JAZF1: variants seen among roughly 807,000 people sequenced by gnomAD.
JAZF1 encodes juxtaposed with another zinc finger protein 1.
JAZF1 carries 8 observed loss-of-function variants against 26.4 expected under a neutral mutation model. The observed-to-expected ratio is 0.30, with a 90% CI of 0.18 to 0.55. JAZF1 has a LOEUF of 0.55. Among genes scored for constraint, JAZF1 ranks in the 20% least tolerant of loss-of-function variants. The probability of loss-of-function intolerance (pLI) is 0.94; values close to 1 mark genes in which losing one functional copy is unlikely to be tolerated. For synonymous variants in JAZF1, 126 were observed against 122.3 expected (o/e 1.03, Z -0.20); for missense variants, 199 against 322.0 (o/e 0.62, Z 2.92).
intron 1 of JAZF1, among the ~76,000 whole-genome samples, chr7:28,040,513 A>G (rs1025388026): frequency 6.6e-6 from 1 of 152,212 alleles, no homozygotes. Flanking sequence ...TTGGCTACAC[A>G]AAGTCTGGGG....
intron 1 of JAZF1, among the ~76,000 whole-genome samples, chr7:28,168,197 A>G (rs1273803818): frequency 6.6e-6 from 1 of 152,230 alleles, no homozygotes; most frequent in Admixed American, 6.5e-5. Context: ...CCTGGCTAAC[A>G]TGGTGAAACT....
At chr7:27,873,771 C>T (rs1352548943) in intron 3 of JAZF1, among the ~76,000 whole-genome samples, 2 of 152,202 alleles carry the variant, frequency 1.3e-5, no homozygotes, top group Non-Finnish European at 2.9e-5. Context: ...GCATCCCCTC[C>T]AGCACTCAGT....
At chr7:27,890,782 TAC>T (rs1562520303) in intron 3 of JAZF1, among the ~76,000 whole-genome samples, 2 of 141,154 alleles carry the variant, frequency 1.4e-5, no homozygotes, top group Non-Finnish European at 3.0e-5. Context: ...TAGATGTTAC[TAC>T]TTTTTTTTTT....
At chr7:27,961,262 C>T (rs879723432) in intron 2 of JAZF1, among the ~76,000 whole-genome samples, 2 of 152,196 alleles carry the variant, frequency 1.3e-5, no homozygotes, top group Admixed American at 1.3e-4. Flanking sequence ...TTATCAGAAG[C>T]AAAGATGAAA....
chr7:27,963,049 T>TTA (rs1409622478), intron 2 of JAZF1, among the ~76,000 whole-genome samples: 1 of 152,152 alleles, frequency 6.6e-6, no homozygotes. Context: ...CAAACCTTCA[T>TTA]TATTAGGGAA....
intron 1 of JAZF1, among the ~76,000 whole-genome samples, chr7:28,071,104 C>T (rs768778615): frequency 2.6e-5 from 4 of 152,124 alleles, no homozygotes; most frequent in Non-Finnish European, 4.4e-5. Context: ...AAAACGGAAT[C>T]GGCTCTGGAG....
At chr7:28,076,516 A>G (rs1419963581) in intron 1 of JAZF1, among the ~76,000 whole-genome samples, 1 of 152,164 alleles carries the variant, frequency 6.6e-6, no homozygotes, top group Admixed American at 6.5e-5. Flanking sequence ...AGACTGATGA[A>G]ATTCTAAAAA....
intron 1 of JAZF1, among the ~76,000 whole-genome samples, chr7:28,116,928 A>T (rs148349762): frequency 0.024 from 3,579 of 152,132 alleles, 131 homozygotes; most frequent in African/African-American, 0.076. Flanking sequence ...GGTTCAAGCG[A>T]TTCTCCTGCC....
At chr7:27,860,688 C>G (rs976217272) in intron 3 of JAZF1, among the ~76,000 whole-genome samples, 11 of 152,186 alleles carry the variant, frequency 7.2e-5, no homozygotes, top group African/African-American at 2.7e-4. Flanking sequence ...TCAGAGGTCA[C>G]AAAGCTCCTC....
intron 2 of JAZF1, among the ~76,000 whole-genome samples, chr7:27,931,844 T>C (rs1784693332): frequency 1.3e-5 from 2 of 151,560 alleles, no homozygotes; most frequent in Non-Finnish European, 1.5e-5. Flanking sequence ...ACCTGGGAGG[T>C]AGAGGTTGCA....
intron 2 of JAZF1, among the ~76,000 whole-genome samples, chr7:27,938,913 T>C (rs1784801235): frequency 6.6e-6 from 1 of 152,056 alleles, no homozygotes; most frequent in Non-Finnish European, 1.5e-5. Context: ...AGTGCTGGAA[T>C]TACAAATGTG....
At chr7:27,962,967 T>C (rs1785209420) in intron 2 of JAZF1, among the ~76,000 whole-genome samples, 1 of 152,140 alleles carries the variant, frequency 6.6e-6, no homozygotes, top group African/African-American at 2.4e-5. Flanking sequence ...CTACCCACTA[T>C]CCCTCCTTTT....
chr7:27,911,694 C>T (rs218), intron 2 of JAZF1, among the ~76,000 whole-genome samples: 144,992 of 152,276 alleles, frequency 0.95, 69,141 homozygotes, highest in East Asian at 1. Flanking sequence ...CATCTGGATA[C>T]GCTGGGTGTG....
chr7:28,115,555 G>A (rs1349051940), intron 1 of JAZF1, among the ~76,000 whole-genome samples: 1 of 152,142 alleles, frequency 6.6e-6, no homozygotes, highest in Non-Finnish European at 1.5e-5. Flanking sequence ...AATGATAAAA[G>A]CTCTAGGAAG....
At chr7:28,009,467 G>A (rs779188438) in intron 1 of JAZF1, among the ~76,000 whole-genome samples, 15 of 151,542 alleles carry the variant, frequency 9.9e-5, no homozygotes, top group Non-Finnish European at 2.1e-4. Context: ...CATATGTGAT[G>A]TACCCTGATA....
At chr7:27,866,954 C>T (rs1437092824) in intron 3 of JAZF1, among the ~76,000 whole-genome samples, 4 of 152,138 alleles carry the variant, frequency 2.6e-5, no homozygotes, top group Admixed American at 2.0e-4. Context: ...TGGAGATGGC[C>T]CAGACACTAA....
intron 3 of JAZF1, among the ~76,000 whole-genome samples, chr7:27,864,651 T>C (rs113642094): frequency 0.017 from 2,569 of 152,250 alleles, 77 homozygotes; most frequent in African/African-American, 0.06. Context: ...CAAGAAAATA[T>C]CATCTCCTTT....
chr7:27,912,290 C>T (rs936054005), intron 2 of JAZF1, among the ~76,000 whole-genome samples: 5 of 152,176 alleles, frequency 3.3e-5, no homozygotes, highest in African/African-American at 1.2e-4. Flanking sequence ...GTTAACTGAC[C>T]TTGTATTTCT....
intron 2 of JAZF1, among the ~76,000 whole-genome samples, chr7:27,936,628 G>A (rs537521551): frequency 6.6e-6 from 1 of 152,324 alleles, no homozygotes; most frequent in Admixed American, 6.5e-5. Context: ...AAGTATTCCT[G>A]AAAGAGTACA....
Sources: gnomAD v4.1 joint callset for allele counts (sites outside exome capture counted in the v4.1 genomes callset) on GRCh38, gnomAD v4.1.1 for gene constraint, MANE v1.5 for transcripts, NCBI Gene and HGNC (gene_info 2026-07-23, HGNC 2026-07-21) for gene names.